DAPP1: variants seen among roughly 807,000 people sequenced by gnomAD.
The protein encoded by DAPP1 is dual adapter for phosphotyrosine and 3-phosphotyrosine and 3-phosphoinositide.
Under a neutral mutation model 41.5 loss-of-function variants are expected in DAPP1, and 20 were observed. The observed-to-expected ratio is 0.48, with a 90% CI of 0.34 to 0.70. The LOEUF (loss-of-function observed/expected upper bound fraction) is 0.70, where lower values mean the gene tolerates loss of function less well. DAPP1 is among the 30% of genes least tolerant of loss of function. The pLI is 0.01. For synonymous variants in DAPP1, 113 were observed against 116.2 expected (o/e 0.97, Z 0.18); for missense variants, 233 against 333.4 (o/e 0.70, Z 2.35).
rs1230870548 is a variant in DAPP1, at chr4:99,869,975, A to AAATG, written c.*1794_*1797dup. On this transcript the variant is annotated 3_prime_UTR_variant, in exon 9 of 9. Coordinates refer to ENST00000512369, the MANE Select transcript of DAPP1 (RefSeq NM_014395.3). The stretch of plus-strand genomic sequence containing the variant: ...CAAAACAAAAAAAAACAGAAGTTAC[A>AAATG]AATGAATACTCACGGATATGTATAG... The AAATG allele has an allele frequency of 3.3e-5, 5 of 152,098 alleles. No individual in the cohort carries two copies. The highest frequency in any genetic ancestry group is 5.9e-5 in the Non-Finnish European group (4 of 68,006). The allele number at this position is 152,098 out of a possible 1,614,324, so 9.4% of individuals were successfully genotyped here.
In DAPP1 at chr4:99,868,238, T is replaced by G; in HGVS notation, c.*53T>G. The G allele has an allele frequency of 6.8e-7, 1 of 1,470,714 alleles. No individual in the cohort carries two copies. The highest frequency in any genetic ancestry group is 1.1e-5 in the South Asian group (1 of 87,958). The allele number at this position is 1,470,714 out of a possible 1,614,324, so 91.1% of individuals were successfully genotyped here. A position where few individuals can be genotyped will look rare whatever the true frequency, so the allele number is the denominator to read the frequency against. On this transcript the variant is annotated 3_prime_UTR_variant, in exon 9 of 9. Coordinates refer to ENST00000512369, the MANE Select transcript of DAPP1 (RefSeq NM_014395.3). ...CCAGGAGCAAGGTGGAATGTTTCCC[T>G]GACGCTGTGATCTGCAGCAGGCTTC...
intron 7 of DAPP1, chr4:99,864,913 A>G (rs1724371277): frequency 6.6e-6 from 1 of 152,240 alleles, no homozygotes; most frequent in Admixed American, 6.5e-5. Flanking sequence ...GCAGCTGATC[A>G]TAATTGGCTT....
Position 99,868,318 on chromosome 4 carries a change from A to ATTTGTTT in DAPP1, c.*135_*136insTGTTTTT. On this transcript the variant is annotated 3_prime_UTR_variant, in exon 9 of 9. Transcript: ENST00000512369. ...AAAAACAAATCAGAAGCAGATGCTG[A>ATTTGTTT]TTGGGACCCATATACCACGTTGCTG... 1 of 785,022 alleles carries ATTTGTTT rather than the reference A, an allele frequency of 1.3e-6. No individual in the cohort carries two copies. The highest frequency in any genetic ancestry group is 2.1e-6 in the Non-Finnish European group (1 of 473,106). 48.6% of individuals were successfully genotyped at this position (785,022 alleles called of 1,614,324 possible). A position where few individuals can be genotyped will look rare whatever the true frequency, so the allele number is the denominator to read the frequency against.
chr4:99,871,537 A>G (rs571066042), downstream of DAPP1, among the ~76,000 whole-genome samples: 3 of 152,358 alleles, frequency 2.0e-5, no homozygotes, highest in East Asian at 3.9e-4. Flanking sequence ...TTCAACAGGC[A>G]TAAAGTTACT....
chr4:99,829,234 C>T (rs1369723176), intron 1 of DAPP1, among the ~76,000 whole-genome samples: 2 of 152,134 alleles, frequency 1.3e-5, no homozygotes, highest in Admixed American at 6.5e-5. Flanking sequence ...AATCCCAACA[C>T]TTTGGGAGGC....
intron 3 of DAPP1, among the ~76,000 whole-genome samples, chr4:99,848,756 T>C (rs1723757485): frequency 6.6e-6 from 1 of 152,208 alleles, no homozygotes; most frequent in African/African-American, 2.4e-5. Context: ...AACAATAGTC[T>C]ACTTCATGTA....
At position 99,866,118 on chromosome 4, in the gene DAPP1, A is replaced by ATTGGTGAGAATT. The variant is rs1352856880; in HGVS notation, c.774_774+11dup. Reference sequence around the variant, plus strand: ...AGTGGATCAAGATATTACGCTGGAAATTGGTGAGAATTTTTAAGCCTTCAG... The same window carrying ATTGGTGAGAATT: ...AGTGGATCAAGATATTACGCTGGAAATTGGTGAGAATTTTGGTGAGAATTTTTAAGCCTTCAG... On this transcript the variant is annotated inframe_insertion, in exon 8 of 9. Coordinates refer to ENST00000512369, the MANE Select transcript of DAPP1 (RefSeq NM_014395.3). The ATTGGTGAGAATT allele has an allele frequency of 6.3e-7, 1 of 1,578,724 alleles. No homozygotes were observed. The highest frequency in any genetic ancestry group is 8.7e-7 in the Non-Finnish European group (1 of 1,151,190).
intron 1 of DAPP1, among the ~76,000 whole-genome samples, chr4:99,818,758 G>A (rs773149435): frequency 6.6e-6 from 1 of 152,166 alleles, no homozygotes; most frequent in Non-Finnish European, 1.5e-5. Flanking sequence ...ATAAACATGA[G>A]GATGATTTCT....
At chr4:99,867,511 G>A (rs1274248985) in intron 8 of DAPP1, among the ~76,000 whole-genome samples, 3 of 152,170 alleles carry the variant, frequency 2.0e-5, no homozygotes, top group African/African-American at 7.2e-5. Flanking sequence ...TGAATGCGAA[G>A]GAACTAGAAC....
intron 1 of DAPP1, among the ~76,000 whole-genome samples, chr4:99,818,609 G>A (rs1324645990): frequency 6.6e-6 from 1 of 152,094 alleles, no homozygotes; most frequent in African/African-American, 2.4e-5. Flanking sequence ...TGAAACCCAC[G>A]GGTGGAATAG....
chr4:99,834,333 C>T (rs1189416739), intron 1 of DAPP1, among the ~76,000 whole-genome samples: 1 of 151,970 alleles, frequency 6.6e-6, no homozygotes, highest in Non-Finnish European at 1.5e-5. Context: ...GAACAGGGAG[C>T]CTGAGGGCCC....
intron 4 of DAPP1, among the ~76,000 whole-genome samples, chr4:99,853,823 C>G (rs1329312985): frequency 6.6e-6 from 1 of 151,926 alleles, no homozygotes; most frequent in Admixed American, 6.6e-5. Flanking sequence ...TGTCTCAAAA[C>G]GAACAAATGA....
chr4:99,866,868 C>A (rs1724482314), intron 8 of DAPP1, among the ~76,000 whole-genome samples: 1 of 144,020 alleles, frequency 6.9e-6, no homozygotes, highest in African/African-American at 2.6e-5. Context: ...CTCTTGAGTT[C>A]AAGTGACTTT....
intron 1 of DAPP1, among the ~76,000 whole-genome samples, chr4:99,825,095 CT>C (rs1224081298): frequency 2.0e-5 from 3 of 152,160 alleles, no homozygotes; most frequent in Non-Finnish European, 4.4e-5. Context: ...TTCTCTGCCC[CT>C]GTCTCCTGGA....
chr4:99,831,159 G>A (rs1723106648), intron 1 of DAPP1, among the ~76,000 whole-genome samples: 1 of 152,068 alleles, frequency 6.6e-6, no homozygotes, highest in Non-Finnish European at 1.5e-5. Context: ...ATATTTTATA[G>A]GGGAACGTGT....
intron 3 of DAPP1, 43 bp downstream of exon 3, chr4:99,840,465 G>C: frequency 6.3e-7 from 1 of 1,585,058 alleles, no homozygotes; most frequent in Non-Finnish European, 8.6e-7. Context: ...TAATGTTTCG[G>C]GATGGAGGAG....
intron 3 of DAPP1, among the ~76,000 whole-genome samples, chr4:99,849,669 A>T (rs1371738854): frequency 6.6e-6 from 1 of 152,214 alleles, no homozygotes; most frequent in East Asian, 1.9e-4. Flanking sequence ...CAGGACGTCC[A>T]CATGTCTCCC....
chr4:99,866,943 T>C (rs1331779596), intron 8 of DAPP1, among the ~76,000 whole-genome samples: 1 of 151,942 alleles, frequency 6.6e-6, no homozygotes, highest in African/African-American at 2.4e-5. Flanking sequence ...TTAATTTTTG[T>C]ATTTTTAGTA....
rs534926032 is a variant in DAPP1, at chr4:99,853,365, G to T, written c.489+17G>T. The T allele has an allele frequency of 6.3e-7, 1 of 1,597,906 alleles. No homozygotes were observed. Among genetic ancestry groups the T allele is most frequent in the Non-Finnish European group, 8.5e-7 (1 of 1,171,442 alleles). ...GCACCTTCTGTAAGTGACCTTCAAC[G>T]TGACCACAAGCTCTCTCCCTGTCTA... On this transcript the variant is annotated intron_variant, in intron 4 of 8. Transcript: ENST00000512369.
Sources: gnomAD v4.1 joint callset for allele counts (sites outside exome capture counted in the v4.1 genomes callset) on GRCh38, gnomAD v4.1.1 for gene constraint, MANE v1.5 for transcripts, NCBI Gene and HGNC (gene_info 2026-07-23, HGNC 2026-07-21) for gene names.